The following VGLL2 variants were observed in gnomAD, a reference collection of about 807,000 sequenced individuals.
VGLL2 encodes transcription cofactor vestigial-like protein 2.
In VGLL2, 18 loss-of-function variants were observed where a neutral mutation model predicts 27.0. The observed-to-expected ratio is 0.67, with a 90% CI of 0.46 to 0.99. VGLL2 has a LOEUF of 0.99. VGLL2 is among the 50% of genes least tolerant of loss of function. The pLI, the probability that VGLL2 is intolerant of heterozygous loss-of-function variation, is 0.00. For synonymous variants in VGLL2, 220 were observed against 201.1 expected (o/e 1.09, Z -0.80); for missense variants, 491 against 452.3 (o/e 1.09, Z -0.78).
rs755984585 is a variant in VGLL2 at position 117,268,350 on chromosome 6, C to G, written c.250C>G (p.Arg84Gly). 2 of 1,614,166 alleles carry G rather than the reference C, an allele frequency of 1.2e-6. No individual in the cohort carries two copies. The highest frequency in any genetic ancestry group is 1.7e-6 in the Non-Finnish European group (2 of 1,180,038). Residue 84 changes from arginine to glycine, a missense_variant, in exon 2 of 4, where the codon CGC becomes GGC. Arg to Gly is a moderately radical substitution (Grantham distance 125). Coordinates refer to ENST00000326274, the MANE Select transcript of VGLL2 (RefSeq NM_182645.3). The stretch of plus-strand genomic sequence containing the variant: ...ACCAGAGGCAGAGTACATCAACTCC[C>G]GCTGCGTCCTCTTCACTTATTTCCA... ...RPPEAEYINSRCVLFTYFQGD... is the reference protein window; with the variant it reads ...RPPEAEYINSGCVLFTYFQGD...
At chr6:117,266,249 A>G (rs532506431) in intron 1 of VGLL2, among the ~76,000 whole-genome samples, 15 of 152,330 alleles carry the variant, frequency 9.8e-5, no homozygotes, top group South Asian at 8.3e-4. Context: ...AACAAAACCA[A>G]AAGCGAAGGC....
chr6:117,268,066 GCCCA>G, intron 1 of VGLL2, 112 bp from the exon 2 acceptor site: 1 of 1,092,450 alleles, frequency 9.2e-7, no homozygotes, highest in East Asian at 2.4e-5. Flanking sequence ...CAAGGCTTAA[GCCCA>G]TATGCCAGTT....
chr6:117,270,554 C>G lies in VGLL2; in HGVS notation c.403C>G (p.Pro135Ala). 1.9e-6 allele frequency: 3 copies of G among 1,598,512 alleles called. No homozygotes were observed. The highest frequency in any genetic ancestry group is 2.6e-6 in the Non-Finnish European group (3 of 1,173,932). Residue 135 changes from proline to alanine, a missense_variant, in exon 3 of 4, where the codon CCG becomes GCG. Coordinates refer to ENST00000326274, the MANE Select transcript of VGLL2 (RefSeq NM_182645.3). Reference protein sequence around the residue: ...SSGPWRDCSFPMSQRSFPASF... With the variant: ...SSGPWRDCSFAMSQRSFPASF... ...CGGCCGGCCTACAGACTGCTCCTTC[C>G]CGATGAGCCAGCGCAGCTTCCCCGC...
At chr6:117,265,959 C>G in intron 1 of VGLL2, 115 bp downstream of exon 1, 1 of 942,584 alleles carries the variant, frequency 1.1e-6, no homozygotes, top group Non-Finnish European at 1.7e-6. Flanking sequence ...CCGACCACGA[C>G]CGGCGCAGCC....
intron 2 of VGLL2, 29 bp downstream of exon 2, chr6:117,268,520 C>A: frequency 1.3e-6 from 2 of 1,539,642 alleles, no homozygotes; most frequent in South Asian, 1.2e-5. Context: ...TGGGAAGGAC[C>A]CATAGGGGGT....
intron 2 of VGLL2, among the ~76,000 whole-genome samples, chr6:117,269,360 G>C (rs1201125093): frequency 1.3e-5 from 2 of 152,148 alleles, no homozygotes; most frequent in Admixed American, 6.5e-5. Context: ...ACCAAGCTGA[G>C]AAAGGGGGAC....
chr6:117,272,721 C>A lies in VGLL2; in HGVS notation c.*227C>A. 1.7e-6 allele frequency: 1 copy of A among 584,180 alleles called. No homozygotes were observed. Among genetic ancestry groups the A allele is most frequent in the Non-Finnish European group, 2.9e-6 (1 of 345,608 alleles). 36.2% of individuals were successfully genotyped at this position (584,180 alleles called of 1,614,324 possible). A position where few individuals can be genotyped will look rare whatever the true frequency, so the allele number is the denominator to read the frequency against. On this transcript the variant is annotated 3_prime_UTR_variant, in exon 4 of 4. Coordinates refer to ENST00000326274, the MANE Select transcript of VGLL2 (RefSeq NM_182645.3). Reference sequence around the variant, plus strand: ...TGAGTTATGTTTAATGACTTTTGGCCGAATCACTGGAAATATCTGTGGTGA... The same window carrying A: ...TGAGTTATGTTTAATGACTTTTGGCAGAATCACTGGAAATATCTGTGGTGA...
In VGLL2 at chr6:117,272,605, G is replaced by A. The variant is rs896590546; in HGVS notation, c.*111G>A. 1 of 1,510,896 alleles carries A rather than the reference G, an allele frequency of 6.6e-7. No individual in the cohort carries two copies. The highest frequency in any genetic ancestry group is 1.4e-5 in the African/African-American group (1 of 71,686). 93.6% of individuals were successfully genotyped at this position (1,510,896 alleles called of 1,614,324 possible). ...GACATGGGGGAAGGCAGAGACTTCA[G>A]ACTTCTCAGTGTGTTGGGAAAACCA... is the stretch of plus-strand genomic sequence containing the variant. On this transcript the variant is annotated 3_prime_UTR_variant, in exon 4 of 4. Coordinates refer to ENST00000326274, the MANE Select transcript of VGLL2 (RefSeq NM_182645.3).
At chr6:117,265,934 G>C in intron 1 of VGLL2, 90 bp downstream of exon 1, 2 of 1,254,306 alleles carry the variant, frequency 1.6e-6, no homozygotes, top group Non-Finnish European at 2.3e-6. Context: ...CTGTGCCTCC[G>C]CGCGTCTCGG....
At chr6:117,266,700 G>C (rs963820948) in intron 1 of VGLL2, among the ~76,000 whole-genome samples, 13 of 152,188 alleles carry the variant, frequency 8.5e-5, no homozygotes, top group African/African-American at 3.1e-4. Flanking sequence ...TGCAGGAAAA[G>C]AATGAAATCA....
intron 1 of VGLL2, among the ~76,000 whole-genome samples, chr6:117,266,982 C>A (rs1418458981): frequency 6.6e-6 from 1 of 152,116 alleles, no homozygotes; most frequent in African/African-American, 2.4e-5. Context: ...CACCAGAGTT[C>A]CTCTTGTAGG....
intron 3 of VGLL2, 25 bp from the exon 4 acceptor site, chr6:117,272,429 A>G: frequency 6.2e-7 from 1 of 1,614,178 alleles, no homozygotes; most frequent in Non-Finnish European, 8.5e-7. Context: ...GTGGGTTTGT[A>G]ACAGCTTCTG....
At chr6:117,265,930 C>T (rs1234949434) in intron 1 of VGLL2, 86 bp downstream of exon 1, 3 of 1,269,220 alleles carry the variant, frequency 2.4e-6, no homozygotes, top group African/African-American at 2.9e-5. Context: ...TCTGCTGTGC[C>T]TCCGCGCGTC....
chr6:117,271,072 G>A lies in VGLL2; in HGVS notation c.913+8G>A. 1 of 1,221,966 alleles carries A rather than the reference G, an allele frequency of 8.2e-7. No homozygotes were observed. Among genetic ancestry groups the A allele is most frequent in the Non-Finnish European group, 1.0e-6 (1 of 982,102 alleles). 75.7% of individuals were successfully genotyped at this position (1,221,966 alleles called of 1,614,324 possible). On this transcript the variant is annotated splice_region_variant and intron_variant, in intron 3 of 3. Transcript: ENST00000326274. ...GCCTCAGCGTGGACTCAGGTAAGCA[G>A]AGGAAGAAGTTTGGTCTCCGCGGAG...
At chr6:117,267,247 C>T (rs1773085927) in intron 1 of VGLL2, among the ~76,000 whole-genome samples, 1 of 152,184 alleles carries the variant, frequency 6.6e-6, no homozygotes, top group Non-Finnish European at 1.5e-5. Context: ...TCTCTGCCTG[C>T]AGAATGCTTT....
intron 1 of VGLL2, among the ~76,000 whole-genome samples, chr6:117,267,539 C>G (rs1168119898): frequency 6.6e-6 from 1 of 152,104 alleles, no homozygotes; most frequent in Non-Finnish European, 1.5e-5. Context: ...TAAAATGATC[C>G]GTGTTTCCCC....
intron 3 of VGLL2, 38 bp downstream of exon 3, chr6:117,271,102 T>TCGGCCC: frequency 2.5e-6 from 3 of 1,205,900 alleles, no homozygotes; most frequent in Non-Finnish European, 3.1e-6. Context: ...GCGGAGCCGC[T>TCGGCCC]CGGCCCCGTA....
In VGLL2 at chr6:117,272,504, C is replaced by G; in HGVS notation, c.*10C>G. ...ATCCCTCCTGAGCTGATCTGCTGACCCAGGGTTTCCCCTTCCCCTTCCCTT... is the reference window on the plus strand; with the variant it reads ...ATCCCTCCTGAGCTGATCTGCTGACGCAGGGTTTCCCCTTCCCCTTCCCTT... On this transcript the variant is annotated 3_prime_UTR_variant, in exon 4 of 4. Transcript: ENST00000326274. 6.2e-7 allele frequency: 1 copy of G among 1,614,088 alleles called. No individual in the cohort carries two copies. The highest frequency in any genetic ancestry group is 2.2e-5 in the East Asian group (1 of 44,858).
At chr6:117,267,503 TAA>T (rs61680852) in intron 1 of VGLL2, among the ~76,000 whole-genome samples, 8 of 150,736 alleles carry the variant, frequency 5.3e-5, no homozygotes, top group African/African-American at 1.9e-4. Context: ...ATAGGGATAA[TAA>T]AAAAAAAATC....
Sources: gnomAD v4.1 joint callset for allele counts (sites outside exome capture counted in the v4.1 genomes callset) on GRCh38, gnomAD v4.1.1 for gene constraint, MANE v1.5 for transcripts, NCBI Gene and HGNC (gene_info 2026-07-23, HGNC 2026-07-21) for gene names.